Variants in MAMDC4 observed in about 807,000 individuals in gnomAD.
MAMDC4 encodes the protein apical endosomal glycoprotein.
A neutral mutation model predicts 153.3 loss-of-function variants in MAMDC4; 168 were observed. That is an observed-to-expected ratio of 1.10 (90% CI 0.97 to 1.25). MAMDC4 has a LOEUF of 1.25. MAMDC4 is among the 50% of genes most tolerant of loss of function. MAMDC4 has a pLI of 0.00. For synonymous variants in MAMDC4, 744 were observed against 651.5 expected, an observed-to-expected ratio of 1.14 and a Z score of -2.16; for missense variants, 1,701 against 1,542.8, an observed-to-expected ratio of 1.10 and a Z score of -1.72.
At chr9:136,854,912 C>T (rs1848980973) in intron 9 of MAMDC4, 25 bp from the exon 10 acceptor site, 1 of 1,612,420 alleles carries the variant, frequency 6.2e-7, no homozygotes, top group East Asian at 2.2e-5. Flanking sequence ...CGGTGCAGGC[C>T]CCCAGCCAGC....
Position 136,857,397 on chromosome 9 carries a change from C to T in MAMDC4, c.2137C>T (p.His713Tyr). ...LLFEGLRDGY[H>Y]GTMALDDVAV... ...GTTCGAGGGCCTCCGGGACGGATAC[C>T]ACGGCACCATGGCGCTGGACGATGT... is the stretch of plus-strand genomic sequence containing the variant. Residue 713 changes from histidine (H) to tyrosine (Y), a missense_variant, in exon 18 of 27, where the codon CAC becomes TAC. Coordinates refer to ENST00000317446, the MANE Select transcript of MAMDC4 (RefSeq NM_206920.3). 6.2e-7 allele frequency: 1 copy of T among 1,608,196 alleles called. No individual in the cohort carries two copies. The highest frequency in any genetic ancestry group is 8.5e-7 in the Non-Finnish European group (1 of 1,179,896).
At position 136,857,581 on chromosome 9, in the gene MAMDC4, C is replaced by T. The variant is rs764008474; in HGVS notation, c.2321C>T (p.Ala774Val). 5.6e-6 allele frequency: 9 copies of T among 1,612,454 alleles called. No individual in the cohort carries two copies. The highest frequency in any genetic ancestry group is 7.6e-6 in the Non-Finnish European group (9 of 1,179,952). ...GPPTDHTTET[A>V]QGHYMVVDTS... ...CCAACAGACCATACCACTGAGACAG[C>T]CCAAGGTATGGGGGCCTGGCAGGGG... Residue 774 changes from alanine (A) to valine (V), a missense_variant, in exon 18 of 27, where the codon GCC (alanine) becomes GTC (valine). Physicochemically the swap from Ala to Val is moderately conservative, Grantham distance 64 (BLOSUM62 0). Transcript: ENST00000317446.
chr9:136,855,187 C>A (rs879057223), intron 10 of MAMDC4, 67 bp from the exon 11 acceptor site: 173 of 1,574,694 alleles, frequency 1.1e-4, no homozygotes, highest in Admixed American at 1.3e-4. Flanking sequence ...GTACCCACTG[C>A]GGGTGGACAG....
chr9:136,857,692 C>T lies in MAMDC4; in HGVS notation c.2360C>T (p.Ala787Val), dbSNP rs777100773. 3.7e-6 allele frequency: 6 copies of T among 1,612,532 alleles called. No homozygotes were observed. The highest frequency in any genetic ancestry group is 5.1e-6 in the Non-Finnish European group (6 of 1,179,844). Residue 787 changes from alanine to valine, a missense_variant, in exon 19 of 27, where the codon GCA becomes GTA. Ala to Val is a moderately conservative substitution (Grantham distance 64). Coordinates refer to ENST00000317446, the MANE Select transcript of MAMDC4 (RefSeq NM_206920.3). ...HYMVVDTSPDALPRGQTASLT... is the reference protein window; with the variant it reads ...HYMVVDTSPDVLPRGQTASLT... ...ATGGTGGTGGACACAAGCCCAGACGCACTACCCCGGGGCCAGACGGCCTCC... is the reference window on the plus strand; with the variant it reads ...ATGGTGGTGGACACAAGCCCAGACGTACTACCCCGGGGCCAGACGGCCTCC...
intron 3 of MAMDC4, 42 bp from the exon 4 acceptor site, chr9:136,853,503 C>T (rs771657129): frequency 1.2e-6 from 2 of 1,612,194 alleles, no homozygotes; most frequent in East Asian, 2.2e-5. Context: ...CCAATACCCT[C>T]CTTGCTCCCT....
intron 19 of MAMDC4, 22 bp from the exon 20 acceptor site, chr9:136,857,957 C>A (rs1333751981): frequency 2.0e-6 from 3 of 1,490,298 alleles, no homozygotes; most frequent in East Asian, 4.9e-5. Flanking sequence ...ACACTGCTGA[C>A]CTGGGCCGCC....
intron 14 of MAMDC4, 100 bp from the exon 15 acceptor site, chr9:136,856,610 C>T (rs1033111768): frequency 2.7e-6 from 3 of 1,128,788 alleles, no homozygotes; most frequent in African/African-American, 3.1e-5. Flanking sequence ...CACCTGGGTG[C>T]TCCCCTTACA....
rs769137315 is a variant in MAMDC4, at chr9:136,857,061, G to A, written c.1972+20G>A. The A allele has an allele frequency of 2.5e-6, 4 of 1,606,640 alleles. No individual in the cohort carries two copies. In the East Asian group the frequency reaches 8.9e-5, roughly 36 times the overall value. On this transcript the variant is annotated intron_variant, in intron 16 of 26. Coordinates refer to ENST00000317446, the MANE Select transcript of MAMDC4 (RefSeq NM_206920.3). ...AGATTGGTGAGTGGACCTGGAAACA[G>A]GGCAGAGCCTGTGGGGAGGCCCCCG...
At chr9:136,857,079 G>A in intron 16 of MAMDC4, 38 bp downstream of exon 16, 1 of 1,603,032 alleles carries the variant, frequency 6.2e-7, no homozygotes, top group Non-Finnish European at 8.5e-7. Context: ...CCTGTGGGGA[G>A]GCCCCCGGGG....
rs764445005 is a variant in MAMDC4 at position 136,853,797 on chromosome 9, G to A, written c.475G>A (p.Glu159Lys). 1.2e-6 allele frequency: 2 copies of A among 1,611,488 alleles called. No homozygotes were observed. Among genetic ancestry groups the A allele is most frequent in the African/African-American group, 1.3e-5 (1 of 74,832 alleles). Residue 159 changes from glutamate to lysine, a missense_variant, in exon 5 of 27, where the codon GAG (glutamate) becomes AAG (lysine). Glu to Lys is a moderately conservative substitution (Grantham distance 56). Transcript: ENST00000317446. ...TGCAGATGTGGCTGAACTGCGGGTG[G>A]AGCTGACCCATGGCGCAGAGACCCT... ...ASGDVAELRV[E>K]LTHGAETLTL...
At position 136,859,917 on chromosome 9, in the gene MAMDC4, T is replaced by A. The variant is rs1004031281; in HGVS notation, c.3225T>A (p.Ala1075=). 1.2e-6 allele frequency: 2 copies of A among 1,612,544 alleles called. No individual in the cohort carries two copies. The highest frequency in any genetic ancestry group is 1.7e-6 in the Non-Finnish European group (2 of 1,179,950). ...CAGCCGCACCCGGGTCTGTGCCAGC[T>A]GTGGTTGGCAGTGCCCTCCTATTGC... The part of the protein sequence containing the change: ...GNTAAPGSVP[A]VVGSALLLLM... The change falls in exon 26 of 27, where the codon GCT becomes GCA. Residue 1075 remains alanine, a synonymous_variant. Coordinates refer to ENST00000317446, the MANE Select transcript of MAMDC4 (RefSeq NM_206920.3).
Position 136,854,574 on chromosome 9 carries a change from G to A in MAMDC4, c.832G>A (p.Gly278Ser), listed in dbSNP as rs1177721665. Residue 278 changes from glycine (G) to serine (S), a missense_variant, in exon 8 of 27, where the codon GGC (glycine) becomes AGC (serine). Transcript: ENST00000317446. ...AGCCACCGACTTTGAGACAGGCCTGGGCCCATGGAACCGCTCGGAAGGCTG... is the reference window on the plus strand; with the variant it reads ...AGCCACCGACTTTGAGACAGGCCTGAGCCCATGGAACCGCTCGGAAGGCTG... ...HIATDFETGL[G>S]PWNRSEGWSR... 1 of 1,607,642 alleles carries A rather than the reference G, an allele frequency of 6.2e-7. No homozygotes were observed. The highest frequency in any genetic ancestry group is 8.5e-7 in the Non-Finnish European group (1 of 1,178,008).
In MAMDC4 at chr9:136,857,430, C is replaced by T. The variant is rs565278277; in HGVS notation, c.2170C>T (p.Arg724Trp). Reference protein sequence around the residue: ...GTMALDDVAVRPGPCWAPNYC... With the variant: ...GTMALDDVAVWPGPCWAPNYC... ...CATGGCGCTGGACGATGTGGCCGTGCGGCCGGGCCCCTGCTGGGCCCCTAA... is the reference window on the plus strand; with the variant it reads ...CATGGCGCTGGACGATGTGGCCGTGTGGCCGGGCCCCTGCTGGGCCCCTAA... Residue 724 changes from arginine to tryptophan, a missense_variant, in exon 18 of 27, where the codon CGG (arginine) becomes TGG (tryptophan). Physicochemically the swap from Arg to Trp is moderately radical, Grantham distance 101. Coordinates refer to ENST00000317446, the MANE Select transcript of MAMDC4 (RefSeq NM_206920.3). The T allele has an allele frequency of 7.5e-6, 12 of 1,607,982 alleles. No individual in the cohort carries two copies. Among genetic ancestry groups the T allele is most frequent in the Middle Eastern group, 3.3e-4 (2 of 6,084 alleles).
Position 136,855,500 on chromosome 9 carries a change from C to T in MAMDC4, c.1352C>T (p.Ser451Leu), listed in dbSNP as rs754961506. Residue 451 changes from serine to leucine, a missense_variant, in exon 12 of 27, where the codon TCG becomes TTG. Ser to Leu is a moderately radical substitution (Grantham distance 145). Transcript: ENST00000317446. ...APAPQPLPPS[S>L]RLQDSCKQGH... is the part of the protein sequence containing the mutation. ...GCCCCCCAGCCCCTGCCGCCCAGCT[C>T]GCGGCTCCAGGATTCCTGCAAGCAG... 56 of 1,596,490 alleles carry T rather than the reference C, an allele frequency of 3.5e-5. No homozygotes were observed. Among genetic ancestry groups the T allele is most frequent in the Non-Finnish European group, 4.5e-5 (53 of 1,172,098 alleles).
At position 136,858,730 on chromosome 9, in the gene MAMDC4, T is replaced by G. The variant is rs769235729; in HGVS notation, c.2833T>G (p.Phe945Val). The change falls in exon 23 of 27, where the codon TTC becomes GTC. Residue 945 changes from phenylalanine to valine, a missense_variant. Transcript: ENST00000317446. ...TLGTEAGHFAFFETGVLGPGG... is the reference protein window; with the variant it reads ...TLGTEAGHFAVFETGVLGPGG... ...CCTCTTGTTCCCAGGCCACTTTGCC[T>G]TCTTTGAAACTGGCGTGCTGGGCCC... 3.1e-6 allele frequency: 5 copies of G among 1,611,954 alleles called. No individual in the cohort carries two copies. Among genetic ancestry groups the G allele is most frequent in the Non-Finnish European group, 8.5e-7 (1 of 1,179,722 alleles).
In MAMDC4 at chr9:136,854,950, A is replaced by G; in HGVS notation, c.1037A>G (p.Gln346Arg). The stretch of plus-strand genomic sequence containing the variant: ...TTGGTTCCACAGCTGGTCTTCTATC[A>G]GTACCTGAGTGGGTCTGAGGCTGGC... ...GTSNCSLVFY[Q>R]YLSGSEAGCL... Residue 346 changes from glutamine (Q) to arginine (R), a missense_variant, in exon 10 of 27, where the codon CAG becomes CGG. Physicochemically the swap from Gln to Arg is conservative, Grantham distance 43. Coordinates refer to ENST00000317446, the MANE Select transcript of MAMDC4 (RefSeq NM_206920.3). 1.9e-6 allele frequency: 3 copies of G among 1,610,498 alleles called. No homozygotes were observed. The highest frequency in any genetic ancestry group is 2.5e-6 in the Non-Finnish European group (3 of 1,178,724).
Position 136,853,164 on chromosome 9 carries a change from A to C in MAMDC4, c.109A>C (p.Asn37His), listed in dbSNP as rs754416786. ...HCRSPGQAVCNFVCDCRDCSD... is the reference protein window; with the variant it reads ...HCRSPGQAVCHFVCDCRDCSD... Reference sequence around the variant, plus strand: ...CAGGAGCCCTGGCCAGGCCGTGTGCAACTTCGTGTGTGACTGCAGGGACTG... The same window carrying C: ...CAGGAGCCCTGGCCAGGCCGTGTGCCACTTCGTGTGTGACTGCAGGGACTG... Residue 37 changes from asparagine (N) to histidine (H), a missense_variant, in exon 2 of 27, where the codon AAC becomes CAC. Asn to His is a moderately conservative substitution (Grantham distance 68). Transcript: ENST00000317446. 4 of 1,612,672 alleles carry C rather than the reference A, an allele frequency of 2.5e-6. No homozygotes were observed. In the African/African-American group the frequency reaches 5.3e-5, roughly 22 times the overall value.
chr9:136,855,104 C>A lies in MAMDC4; in HGVS notation c.1191C>A (p.Pro397=). 1 of 1,574,806 alleles carries A rather than the reference C, an allele frequency of 6.3e-7. No individual in the cohort carries two copies. Among genetic ancestry groups the A allele is most frequent in the South Asian group, 1.1e-5 (1 of 87,982 alleles). ...RDRVDIQSAY[P]FQILLAGQTG... is the part of the protein sequence containing the mutation. ...GTGTTGACATCCAGAGCGCCTACCC[C>A]TTCCAGGTAGGGAACAGCAAGAGGG... Residue 397 remains proline, a synonymous_variant, in exon 10 of 27, where the codon CCC becomes CCA. Transcript: ENST00000317446.
At position 136,855,280 on chromosome 9, in the gene MAMDC4, G is replaced by A. The variant is rs550831849; in HGVS notation, c.1224G>A (p.Pro408=). Residue 408 remains proline (P), a synonymous_variant, in exon 11 of 27, where the codon CCG becomes CCA. Transcript: ENST00000317446. The part of the protein sequence containing the change: ...FQILLAGQTG[P]GGVVGLDDLI... Reference sequence around the variant, plus strand: ...TCCTCCTGGCCGGGCAGACAGGCCCGGGGGGCGTCGTGGGTCTGGACGACC... The same window carrying A: ...TCCTCCTGGCCGGGCAGACAGGCCCAGGGGGCGTCGTGGGTCTGGACGACC... The A allele has an allele frequency of 1.7e-5, 27 of 1,602,304 alleles. No homozygotes were observed. The East Asian group carries it at 2.5e-4, about 15-fold the overall frequency.
Sources: gnomAD v4.1 joint callset for allele counts on GRCh38, gnomAD v4.1.1 for gene constraint, MANE v1.5 for transcripts, NCBI Gene and HGNC (gene_info 2026-07-23, HGNC 2026-07-21) for gene names.